The following ARHGAP26 variants were observed in gnomAD, a reference collection of about 807,000 sequenced individuals.
ARHGAP26 encodes the protein rho GTPase-activating protein 26.
ARHGAP26 carries 38 observed loss-of-function variants against 104.8 expected under a neutral mutation model. That is an observed-to-expected ratio of 0.36 (90% CI 0.28 to 0.48). ARHGAP26 has a LOEUF of 0.48. Ranked by LOEUF, ARHGAP26 falls within the 20% of genes least tolerant of loss-of-function variation. The pLI is 0.99. For synonymous variants in ARHGAP26, 341 were observed against 340.0 expected, an observed-to-expected ratio of 1.00 and a Z score of -0.03; for missense variants, 704 against 947.9, an observed-to-expected ratio of 0.74 and a Z score of 3.38.
chr5:142,992,752 G>T (rs1458306370), intron 11 of ARHGAP26, among the ~76,000 whole-genome samples: 1 of 152,098 alleles, frequency 6.6e-6, no homozygotes, highest in African/African-American at 2.4e-5. Context: ...AGCACATAGG[G>T]TATGCAAAGA....
In ARHGAP26 at chr5:142,770,924, C is replaced by T; in HGVS notation, c.154+9C>T. The T allele has an allele frequency of 1.2e-6, 2 of 1,600,156 alleles. No individual in the cohort carries two copies. Among genetic ancestry groups the T allele is most frequent in the South Asian group, 1.1e-5 (1 of 89,910 alleles). ...CATAAGCGCGCTCAAGAGTGAGTGT[C>T]CCGAGCCCCTCGGGGACGCGGCTCC... is the stretch of plus-strand genomic sequence containing the variant. On this transcript the variant is annotated intron_variant, in intron 1 of 22. Coordinates refer to ENST00000645722, the MANE Select transcript of ARHGAP26 (RefSeq NM_001135608.3).
chr5:143,196,055 A>G (rs1806780583), intron 20 of ARHGAP26, among the ~76,000 whole-genome samples: 2 of 152,170 alleles, frequency 1.3e-5, no homozygotes, highest in African/African-American at 4.8e-5. Flanking sequence ...TACTGTTCAT[A>G]TGTTTTAAGA....
chr5:142,937,804 T>G (rs1765660025), intron 11 of ARHGAP26, among the ~76,000 whole-genome samples: 1 of 152,160 alleles, frequency 6.6e-6, no homozygotes. Flanking sequence ...AAAAATATAC[T>G]TTAATTTTGT....
At chr5:142,822,280 A>G (rs1049491379) in intron 1 of ARHGAP26, among the ~76,000 whole-genome samples, 7 of 152,232 alleles carry the variant, frequency 4.6e-5, no homozygotes, top group Non-Finnish European at 1.0e-4. Flanking sequence ...ACTCACAGTT[A>G]ATAAATGCAG....
Position 142,955,095 on chromosome 5 carries a change from TACACACACAC to T in ARHGAP26, c.1107+22991_1107+23000del, listed in dbSNP as rs11419144. ...GCAGTTCAACATAGTGAGACCTGTC[TACACACACAC>T]ACACACACACACACACACACCCCCC... is the stretch of plus-strand genomic sequence containing the variant. On this transcript the variant is annotated intron_variant, in intron 11 of 22. Coordinates refer to ENST00000645722, the MANE Select transcript of ARHGAP26 (RefSeq NM_001135608.3). 7.6e-5 allele frequency among the ~76,000 whole-genome samples: 4 copies of T among 52,622 alleles called. No individual in the cohort carries two copies. The African/African-American group carries it at 7.6e-4, about 10-fold the overall frequency. 34.5% of individuals were successfully genotyped at this position (52,622 alleles called of 152,430 possible). A position where few individuals can be genotyped will look rare whatever the true frequency, so the allele number is the denominator to read the frequency against.
intron 19 of ARHGAP26, among the ~76,000 whole-genome samples, chr5:143,145,403 G>A (rs562919923): frequency 3.9e-5 from 6 of 152,288 alleles, no homozygotes; most frequent in East Asian, 1.9e-4. Flanking sequence ...CCAGGGAACC[G>A]TCCTCACTCT....
chr5:143,172,505 T>C (rs1051318271), intron 20 of ARHGAP26, among the ~76,000 whole-genome samples: 3 of 152,220 alleles, frequency 2.0e-5, no homozygotes, highest in Non-Finnish European at 4.4e-5. Flanking sequence ...CTACAAGTTA[T>C]AATATTAATT....
rs559727358 is a variant in ARHGAP26, at chr5:142,832,033, T to C, written c.155-41367T>C. 1.4e-4 allele frequency among the ~76,000 whole-genome samples: 21 copies of C among 152,286 alleles called. No individual in the cohort carries two copies. The South Asian group carries it at 3.7e-3, about 27-fold the overall frequency. ...CAAATCTTCCCTTGGCTCCCTGTTGTCTATTATGAAGACATACCAAAACTG... is the reference window on the plus strand; with the variant it reads ...CAAATCTTCCCTTGGCTCCCTGTTGCCTATTATGAAGACATACCAAAACTG... On this transcript the variant is annotated intron_variant, in intron 1 of 22. Transcript: ENST00000645722.
intron 1 of ARHGAP26, among the ~76,000 whole-genome samples, chr5:142,821,505 G>T (rs1344977644): frequency 6.6e-6 from 1 of 151,932 alleles, no homozygotes; most frequent in Non-Finnish European, 1.5e-5. Flanking sequence ...ACCCTGAAAA[G>T]ATACCTTACA....
At chr5:143,107,844 C>T (rs1463825195) in intron 17 of ARHGAP26, among the ~76,000 whole-genome samples, 1 of 152,180 alleles carries the variant, frequency 6.6e-6, no homozygotes, top group Non-Finnish European at 1.5e-5. Flanking sequence ...TTCATGGTAG[C>T]AGAATTCAAT....
chr5:143,192,174 C>T (rs1297451727), intron 20 of ARHGAP26, among the ~76,000 whole-genome samples: 1 of 152,146 alleles, frequency 6.6e-6, no homozygotes. Context: ...AAAACACAGC[C>T]CTTGAAGATT....
At chr5:143,049,411 A>C (rs246653) in intron 14 of ARHGAP26, among the ~76,000 whole-genome samples, 37,133 of 151,988 alleles carry the variant, frequency 0.24, 8,979 homozygotes, top group African/African-American at 0.62. Flanking sequence ...ACTTATTTAA[A>C]TCCTTTTATT....
chr5:143,166,011 G>T (rs973778511), intron 20 of ARHGAP26: 1 of 1,313,996 alleles, frequency 7.6e-7, no homozygotes, highest in African/African-American at 1.5e-5. Context: ...TATGGTCATC[G>T]TTGCTCTTTT....
At chr5:143,089,043 G>A (rs1487596229) in intron 17 of ARHGAP26, among the ~76,000 whole-genome samples, 1 of 152,218 alleles carries the variant, frequency 6.6e-6, no homozygotes. Context: ...AGGAAGTTAA[G>A]TTTAAAAGTA....
At chr5:142,926,978 G>A (rs1428617103) in intron 10 of ARHGAP26, among the ~76,000 whole-genome samples, 2 of 152,038 alleles carry the variant, frequency 1.3e-5, no homozygotes, top group Non-Finnish European at 2.9e-5. Flanking sequence ...TCCTGGTAAC[G>A]CTGGGAGACA....
chr5:143,072,233 A>C (rs1281963280), intron 17 of ARHGAP26, among the ~76,000 whole-genome samples: 1 of 152,226 alleles, frequency 6.6e-6, no homozygotes, highest in South Asian at 2.1e-4. Flanking sequence ...TAGGATGACT[A>C]TTATCAGAAA....
intron 20 of ARHGAP26, among the ~76,000 whole-genome samples, chr5:143,182,106 G>T (rs964880418): frequency 1.3e-5 from 2 of 152,094 alleles, no homozygotes; most frequent in Non-Finnish European, 1.5e-5. Context: ...AGCCTGCCCT[G>T]ACCCTTCTGT....
chr5:142,773,224 A>G (rs752806489), intron 1 of ARHGAP26, among the ~76,000 whole-genome samples: 39 of 152,218 alleles, frequency 2.6e-4, no homozygotes, highest in African/African-American at 5.8e-4. Flanking sequence ...TATTATATCT[A>G]TAAACAGAAG....
At chr5:143,011,303 C>CTTTTTTTTTTTT (rs58841045) in intron 11 of ARHGAP26, among the ~76,000 whole-genome samples, 9 of 110,986 alleles carry the variant, frequency 8.1e-5, no homozygotes, top group East Asian at 5.3e-4. Context: ...TAAACCCCCG[C>CTTTTTTTTTTTT]TTTTTTTTTT....
Sources: allele counts gnomAD v4.1 joint callset (sites outside exome capture counted in the v4.1 genomes callset), GRCh38; gene constraint gnomAD v4.1.1; transcripts MANE v1.5; gene names NCBI Gene and HGNC (gene_info 2026-07-23, HGNC 2026-07-21).